Variants in SEMA3A observed in about 807,000 individuals in gnomAD.
SEMA3A encodes the protein semaphorin 3A.
SEMA3A carries 29 observed loss-of-function variants against 97.9 expected under a neutral mutation model. The observed-to-expected ratio is 0.30, with a 90% CI of 0.22 to 0.40. The LOEUF is 0.40. SEMA3A is among the 10% of genes least tolerant of loss of function. The probability of loss-of-function intolerance (pLI) is 1.00; values close to 1 mark genes in which losing one functional copy is unlikely to be tolerated. For missense variants in SEMA3A, 763 were observed against 951.3 expected (o/e 0.80, Z 2.60); for synonymous variants, 321 against 323.7 (o/e 0.99, Z 0.09).
rs1457497850 is a variant in SEMA3A, at chr7:84,077,948, T to C, written c.454-17390A>G. ...GGCAAAGTATTGCCTAACTATGTAATTGATTATGAGATAGGTGTTAAAAAT... is the reference window on the plus strand; with the variant it reads ...GGCAAAGTATTGCCTAACTATGTAACTGATTATGAGATAGGTGTTAAAAAT... On this transcript the variant is annotated intron_variant, in intron 4 of 16. Coordinates refer to ENST00000265362, the MANE Select transcript of SEMA3A (RefSeq NM_006080.3). Among the ~76,000 whole-genome samples the C allele has an allele frequency of 2.6e-5, 4 of 152,144 alleles. No individual in the cohort carries two copies. In the South Asian group the frequency reaches 6.2e-4, roughly 24 times the overall value.
At chr7:84,329,065 C>T (rs1801844033) in intron 2 of SEMA3A, among the ~76,000 whole-genome samples, 2 of 151,748 alleles carry the variant, frequency 1.3e-5, no homozygotes, top group African/African-American at 2.4e-5. Flanking sequence ...TGGTTTGCTG[C>T]ACCCATCAAC....
chr7:84,440,530 C>T (rs1805247040), intron 1 of SEMA3A, among the ~76,000 whole-genome samples: 1 of 152,120 alleles, frequency 6.6e-6, no homozygotes, highest in South Asian at 2.1e-4. Context: ...GAATCCTCCG[C>T]CTTTCTTTTT....
At chr7:84,113,241 G>A (rs921762329) in intron 3 of SEMA3A, among the ~76,000 whole-genome samples, 1 of 152,196 alleles carries the variant, frequency 6.6e-6, no homozygotes, top group African/African-American at 2.4e-5. Context: ...GAACTGGACA[G>A]AGAAGAAGCA....
At chr7:84,225,593 AGTT>A (rs961748118) in intron 3 of SEMA3A, among the ~76,000 whole-genome samples, 3 of 152,070 alleles carry the variant, frequency 2.0e-5, no homozygotes, top group Admixed American at 6.6e-5. Flanking sequence ...AAACTAAAGA[AGTT>A]GTTTTTAATA....
At chr7:84,235,142 C>T (rs1292770654) in intron 3 of SEMA3A, among the ~76,000 whole-genome samples, 1 of 151,934 alleles carries the variant, frequency 6.6e-6, no homozygotes, top group Non-Finnish European at 1.5e-5. Context: ...AGACAAATAT[C>T]AGATATGTGT....
In SEMA3A at chr7:83,963,175, T is replaced by C. The variant is rs7809708; in HGVS notation, c.1860+30A>G. On this transcript the variant is annotated intron_variant, in intron 16 of 16. Transcript: ENST00000265362. ...TACATTTAACAGTGTATCTTAGATA[T>C]AAATGATCCAGTCAGTTTCATTCCT... The C allele has an allele frequency of 0.25, 407,729 of 1,606,842 alleles. 54,156 individuals carry two copies. The highest frequency in any genetic ancestry group is 0.33 in the Middle Eastern group (1,994 of 6,044).
At chr7:84,388,123 C>T (rs1024756706) in intron 1 of SEMA3A, among the ~76,000 whole-genome samples, 1 of 152,118 alleles carries the variant, frequency 6.6e-6, no homozygotes, top group African/African-American at 2.4e-5. Context: ...ACACAATAAA[C>T]AGAGTTTTCC....
At chr7:84,327,464 C>A (rs776936609) in intron 2 of SEMA3A, among the ~76,000 whole-genome samples, 4 of 151,592 alleles carry the variant, frequency 2.6e-5, no homozygotes, top group Non-Finnish European at 5.9e-5. Flanking sequence ...AATAATGAAC[C>A]ATTGATATAT....
At chr7:84,075,397 G>A (rs1042546895) in intron 4 of SEMA3A, among the ~76,000 whole-genome samples, 2 of 150,664 alleles carry the variant, frequency 1.3e-5, no homozygotes, top group Non-Finnish European at 2.9e-5. Flanking sequence ...GACCTCAGGT[G>A]ATCCACCCGC....
At chr7:84,463,302 G>A (rs1311305487) in intron 1 of SEMA3A, among the ~76,000 whole-genome samples, 3 of 134,480 alleles carry the variant, frequency 2.2e-5, no homozygotes, top group African/African-American at 5.8e-5. Flanking sequence ...AGGCTGGAGT[G>A]CAGTGGCGCA....
chr7:84,226,255 C>T (rs952655657), intron 3 of SEMA3A, among the ~76,000 whole-genome samples: 3 of 151,900 alleles, frequency 2.0e-5, no homozygotes, highest in Non-Finnish European at 2.9e-5. Flanking sequence ...TTGTTGGGAA[C>T]AGAAAAGGTG....
At chr7:84,009,157 C>T (rs1790781806) in intron 9 of SEMA3A, among the ~76,000 whole-genome samples, 1 of 152,114 alleles carries the variant, frequency 6.6e-6, no homozygotes, top group Admixed American at 6.6e-5. Context: ...TTCTATTGAG[C>T]CAGAAACTCT....
chr7:84,009,539 CCTGA>C (rs1043546573), intron 9 of SEMA3A, among the ~76,000 whole-genome samples: 9 of 152,136 alleles, frequency 5.9e-5, no homozygotes, highest in African/African-American at 1.7e-4. Context: ...CAGTACTTTT[CCTGA>C]CTTTCGATTT....
chr7:84,141,775 G>C (rs184282070), intron 1 of SEMA3A, among the ~76,000 whole-genome samples: 101 of 152,160 alleles, frequency 6.6e-4, no homozygotes, highest in African/African-American at 2.2e-3. Context: ...TTATAACTGA[G>C]AACATGCAGT....
intron 12 of SEMA3A, among the ~76,000 whole-genome samples, chr7:83,985,854 T>C (rs925947117): frequency 3.9e-5 from 6 of 152,124 alleles, no homozygotes; most frequent in East Asian, 1.9e-4. Flanking sequence ...TTGTTCTACA[T>C]TGGATGTGGT....
At chr7:84,371,336 T>C (rs1802970207) in intron 2 of SEMA3A, among the ~76,000 whole-genome samples, 1 of 151,770 alleles carries the variant, frequency 6.6e-6, no homozygotes, top group South Asian at 2.1e-4. Context: ...TTTAAGACAA[T>C]AAAATTGGAA....
intron 6 of SEMA3A, among the ~76,000 whole-genome samples, chr7:84,037,476 T>C (rs1269383856): frequency 6.6e-6 from 1 of 152,116 alleles, no homozygotes. Context: ...TACAGATGCA[T>C]GCCACCATAC....
intron 1 of SEMA3A, among the ~76,000 whole-genome samples, chr7:84,166,940 T>C (rs918898212): frequency 1.4e-5 from 2 of 139,690 alleles, no homozygotes; most frequent in African/African-American, 5.2e-5. Flanking sequence ...GAATTAATAA[T>C]GGACAATGTA....
chr7:84,335,781 A>G (rs1284009122), intron 2 of SEMA3A, among the ~76,000 whole-genome samples: 1 of 152,166 alleles, frequency 6.6e-6, no homozygotes, highest in African/African-American at 2.4e-5. Flanking sequence ...TGTGGGCTAC[A>G]TATTTAATTT....
Sources: gnomAD v4.1 joint callset for allele counts (sites outside exome capture counted in the v4.1 genomes callset) on GRCh38, gnomAD v4.1.1 for gene constraint, MANE v1.5 for transcripts, NCBI Gene and HGNC (gene_info 2026-07-23, HGNC 2026-07-21) for gene names.